Variants in SLC67A2 observed in about 807,000 individuals in gnomAD.
The protein encoded by SLC67A2 is solute carrier family 67 member 2.
chr2:102,727,916 A>C, the SLC67A2 span, among the ~76,000 whole-genome samples: 3 of 152,140 alleles, frequency 2.0e-5, no homozygotes, highest in African/African-American at 7.2e-5. Flanking sequence ...TTTTTTTAAA[A>C]TTTGTGTACT....
chr2:102,732,397 C>T, the SLC67A2 span: 3 of 1,610,544 alleles, frequency 1.9e-6, no homozygotes, highest in African/African-American at 4.0e-5. Context: ...ACCATGCTGA[C>T]ACCAAACAAA....
chr2:102,718,953 C>T, the SLC67A2 span: 2 of 1,614,252 alleles, frequency 1.2e-6, no homozygotes, highest in Non-Finnish European at 1.7e-6. Context: ...AGCATGACTG[C>T]CATGGCCATC....
chr2:102,735,916 G>A, the SLC67A2 span, among the ~76,000 whole-genome samples: 3 of 151,862 alleles, frequency 2.0e-5, no homozygotes, highest in African/African-American at 7.3e-5. Flanking sequence ...TTGTCCAAAG[G>A]TAGATGGGTA....
the SLC67A2 span, among the ~76,000 whole-genome samples, chr2:102,736,214 A>G: frequency 6.6e-6 from 1 of 152,170 alleles, no homozygotes; most frequent in South Asian, 2.1e-4. Context: ...AGCGGGGTCA[A>G]GAGCGGCCTC....
At chr2:102,723,799 A>C in the SLC67A2 span, 1 of 1,614,210 alleles carries the variant, frequency 6.2e-7, no homozygotes, top group East Asian at 2.2e-5. Context: ...CCCAAGATGA[A>C]GCCCACACCG....
At chr2:102,717,837 C>T in the SLC67A2 span, 1 of 152,688 alleles carries the variant, frequency 6.5e-6, no homozygotes, top group South Asian at 2.1e-4. Flanking sequence ...CCCACTGAAT[C>T]ATCTCTAGGG....
At chr2:102,736,811 A>C in the SLC67A2 span, 1 of 1,597,064 alleles carries the variant, frequency 6.3e-7, no homozygotes, top group African/African-American at 1.3e-5. Flanking sequence ...CAAGCTCCAT[A>C]CCCGCGCCGG....
At chr2:102,731,977 C>A in the SLC67A2 span, 1 of 377,534 alleles carries the variant, frequency 2.6e-6, no homozygotes, top group Non-Finnish European at 5.3e-6. Context: ...CCTGGTCTCT[C>A]ACATTAGGTT....
At chr2:102,736,661 G>T in the SLC67A2 span, 2 of 1,613,978 alleles carry the variant, frequency 1.2e-6, no homozygotes, top group Non-Finnish European at 1.7e-6. Context: ...AGCCCACCAA[G>T]TAGAGACAGA....
chr2:102,728,131 G>GAA, the SLC67A2 span, among the ~76,000 whole-genome samples: 5 of 148,898 alleles, frequency 3.4e-5, no homozygotes, highest in Admixed American at 6.7e-5. Context: ...AGCAATGTTT[G>GAA]AAAAAAAAAA....
At chr2:102,736,798 C>A in the SLC67A2 span, 9 of 1,610,370 alleles carry the variant, frequency 5.6e-6, 1 homozygote, top group South Asian at 7.7e-5. Flanking sequence ...TCCCAGTGAC[C>A]CCCAAGCTCC....
the SLC67A2 span, among the ~76,000 whole-genome samples, chr2:102,730,548 T>G: frequency 1.3e-5 from 2 of 151,560 alleles, no homozygotes; most frequent in Admixed American, 6.6e-5. Flanking sequence ...TAATAACATT[T>G]TTTTTTTTTT....
the SLC67A2 span, chr2:102,718,331 C>G: frequency 6.7e-7 from 1 of 1,497,430 alleles, no homozygotes; most frequent in Non-Finnish European, 9.1e-7. Context: ...CCTTCCACCC[C>G]AACCCTTTCC....
At chr2:102,733,198 CT>C in the SLC67A2 span, among the ~76,000 whole-genome samples, 2 of 152,156 alleles carry the variant, frequency 1.3e-5, no homozygotes, top group Non-Finnish European at 2.9e-5. Context: ...AGACTGTTAA[CT>C]TTTCTTTTAA....
the SLC67A2 span, chr2:102,718,200 C>A: frequency 1.8e-5 from 10 of 566,460 alleles, no homozygotes; most frequent in East Asian, 3.1e-4. Flanking sequence ...CTTGGAAAAG[C>A]TTTGCTCCAG....
chr2:102,724,574 C>T, the SLC67A2 span, among the ~76,000 whole-genome samples: 1 of 152,166 alleles, frequency 6.6e-6, no homozygotes, highest in East Asian at 1.9e-4. Flanking sequence ...GTCCCTAGAC[C>T]CCCCACGTGC....
chr2:102,725,225 T>C, the SLC67A2 span, among the ~76,000 whole-genome samples: 42 of 152,322 alleles, frequency 2.8e-4, no homozygotes, highest in African/African-American at 9.9e-4. Flanking sequence ...CAACTGACTT[T>C]GTGAAGCAGA....
chr2:102,735,297 G>C, the SLC67A2 span, among the ~76,000 whole-genome samples: 1 of 152,230 alleles, frequency 6.6e-6, no homozygotes, highest in East Asian at 1.9e-4. Context: ...AAGACCTTGT[G>C]TTTCTGGGCT....
the SLC67A2 span, among the ~76,000 whole-genome samples, chr2:102,727,283 C>T: frequency 6.6e-6 from 1 of 152,044 alleles, no homozygotes; most frequent in African/African-American, 2.4e-5. Context: ...TTATTGTCTC[C>T]ATTCTCATTA....
Sources: gnomAD v4.1 joint callset for allele counts (sites outside exome capture counted in the v4.1 genomes callset) on GRCh38, gnomAD v4.1.1 for gene constraint, MANE v1.5 for transcripts, NCBI Gene and HGNC (gene_info 2026-07-23, HGNC 2026-07-21) for gene names.